KAZN: variants seen among roughly 807,000 people sequenced by gnomAD.
KAZN encodes the protein kazrin.
In KAZN, 40 loss-of-function variants were observed where a neutral mutation model predicts 87.4. The observed-to-expected ratio is 0.46, with a 90% CI of 0.36 to 0.60. The LOEUF is 0.60. Among genes scored for constraint, KAZN ranks in the 20% least tolerant of loss-of-function variants. KAZN has a pLI of 0.00. For missense variants in KAZN, 898 were observed against 1,073.9 expected, an observed-to-expected ratio of 0.84 and a Z score of 2.29; for synonymous variants, 466 against 458.3, an observed-to-expected ratio of 1.02 and a Z score of -0.22.
intron 3 of KAZN, among the ~76,000 whole-genome samples, chr1:15,036,417 TC>T (rs1193965669): frequency 6.9e-6 from 1 of 145,334 alleles, no homozygotes; most frequent in East Asian, 2.0e-4. Context: ...CAGCTCCCCT[TC>T]CCCTGCCTGT....
At chr1:14,551,159 TG>T (rs1673493093) in intron 2 of KAZN, among the ~76,000 whole-genome samples, 1 of 152,176 alleles carries the variant, frequency 6.6e-6, no homozygotes, top group South Asian at 2.1e-4. Context: ...TACTGGCCCT[TG>T]GCAGTCAACT....
At chr1:14,968,573 A>G (rs1201592314) in intron 2 of KAZN, among the ~76,000 whole-genome samples, 1 of 152,172 alleles carries the variant, frequency 6.6e-6, no homozygotes, top group Non-Finnish European at 1.5e-5. Flanking sequence ...CTCAGGGCTT[A>G]GGACACGTGA....
At position 15,081,969 on chromosome 1, in the gene KAZN, A is replaced by C. The variant is rs2100634309; in HGVS notation, c.1223-12211A>C. 6.6e-6 allele frequency among the ~76,000 whole-genome samples: 1 copy of C among 152,258 alleles called. No individual in the cohort carries two copies. On this transcript the variant is annotated intron_variant, in intron 8 of 14. Coordinates refer to ENST00000376030, the MANE Select transcript of KAZN (RefSeq NM_201628.3). This position sits in a 1 kb window ranked among gnomAD's most constrained non-coding sequence, Gnocchi z 4.1. The stretch of plus-strand genomic sequence containing the variant: ...GGGCTTGAAGAGGATGGAATGAAAG[A>C]GAAAGAGGGAGGTAGGGTGTTGAGA...
At chr1:14,876,936 CA>C (rs1323379035) in intron 1 of KAZN, among the ~76,000 whole-genome samples, 1 of 152,202 alleles carries the variant, frequency 6.6e-6, no homozygotes, top group Non-Finnish European at 1.5e-5. Flanking sequence ...TTGTATTAGT[CA>C]GACATTTTTG....
chr1:14,137,659 C>T (rs1490500380), intron 1 of KAZN, among the ~76,000 whole-genome samples: 2 of 146,520 alleles, frequency 1.4e-5, no homozygotes, highest in African/African-American at 5.0e-5. Context: ...AAACTGCTGA[C>T]AACAGTATCT....
chr1:14,293,130 G>T (rs1229280801), intron 2 of KAZN, among the ~76,000 whole-genome samples: 3 of 152,156 alleles, frequency 2.0e-5, no homozygotes, highest in Admixed American at 2.0e-4. Flanking sequence ...AACAAGGAAA[G>T]AGTCACAGAC....
chr1:14,071,419 T>C (rs1336712558), intron 1 of KAZN, among the ~76,000 whole-genome samples: 1 of 152,212 alleles, frequency 6.6e-6, no homozygotes. Context: ...CCTGATCTCA[T>C]AGGTTCTAAG....
In KAZN at chr1:14,387,353, T is replaced by C. The variant is rs563546653; in HGVS notation, c.249+206761T>C. ...CCGTCCAGCTTTGTTCTGTTGCTGGTGAGGAACTGCGTTCCTTTGGAGGAG... is the reference window on the plus strand; with the variant it reads ...CCGTCCAGCTTTGTTCTGTTGCTGGCGAGGAACTGCGTTCCTTTGGAGGAG... On this transcript the variant is annotated intron_variant, in intron 2 of 16. Coordinates refer to the KAZN transcript ENST00000636203. 2.0e-5 allele frequency among the ~76,000 whole-genome samples: 3 copies of C among 152,360 alleles called. No individual in the cohort carries two copies. In the South Asian group the frequency reaches 6.2e-4, roughly 32 times the overall value.
chr1:14,214,000 T>C (rs982546337), intron 2 of KAZN, among the ~76,000 whole-genome samples: 1 of 152,156 alleles, frequency 6.6e-6, no homozygotes, highest in South Asian at 2.1e-4. Flanking sequence ...CTGAGCAGAT[T>C]TGGCGTGGGC....
rs145396391 is a variant in KAZN at position 14,764,111 on chromosome 1, C to G, written c.226+164888C>G. On this transcript the variant is annotated intron_variant, in intron 1 of 14. Transcript: ENST00000376030. ...TTGCGAGTCAAATACATCACAGTCC[C>G]CAGGTGATGGTTCTCATTTACAATT... 1.5e-3 allele frequency among the ~76,000 whole-genome samples: 233 copies of G among 152,226 alleles called. 7 individuals carry two copies. The East Asian group carries it at 0.04, about 26-fold the overall frequency.
intron 1 of KAZN, among the ~76,000 whole-genome samples, chr1:14,893,144 G>A (rs1654897639): frequency 6.6e-6 from 1 of 152,060 alleles, no homozygotes; most frequent in African/African-American, 2.4e-5. Flanking sequence ...GAGGCAGGTG[G>A]ATCATGAGGT....
intron 2 of KAZN, among the ~76,000 whole-genome samples, chr1:14,291,088 T>G (rs905325380): frequency 2.0e-5 from 3 of 152,116 alleles, no homozygotes; most frequent in African/African-American, 7.2e-5. Context: ...CTGTATGAGG[T>G]GTCAGTCGGC....
rs549276172 is a variant in KAZN at position 14,733,200 on chromosome 1, T to C, written c.226+133977T>C. On this transcript the variant is annotated intron_variant, in intron 1 of 14. Coordinates refer to ENST00000376030, the MANE Select transcript of KAZN (RefSeq NM_201628.3). ...TTTCCGCCCACTGCCCCAGGCTTGG[T>C]AATTAAGCAGTCTGAGTGATTGCAG... Among the ~76,000 whole-genome samples the C allele has an allele frequency of 1.7e-4, 26 of 152,188 alleles. No homozygotes were observed. The South Asian group carries it at 5.2e-3, about 30-fold the overall frequency.
intron 2 of KAZN, among the ~76,000 whole-genome samples, chr1:14,261,497 G>C (rs1403479312): frequency 6.6e-6 from 1 of 152,188 alleles, no homozygotes; most frequent in East Asian, 1.9e-4. Flanking sequence ...TGTTTGCCTA[G>C]CTATTGATTT....
rs1168650321 is a variant in KAZN at position 14,164,534 on chromosome 1, CTTTTTTTTTTT to C, written c.92-15888_92-15878del. ...TCCATTTCTGCAATGTGAGTTTCCTCTTTTTTTTTTTTTTTTTTTTTTTGAGATGGAGTTTT... is the reference window on the plus strand; with the variant it reads ...TCCATTTCTGCAATGTGAGTTTCCTCTTTTTTTTTTTTGAGATGGAGTTTT... On this transcript the variant is annotated intron_variant, in intron 1 of 16. Transcript: ENST00000636203. Among the ~76,000 whole-genome samples, 8 of 93,760 alleles carry C rather than the reference CTTTTTTTTTTT, an allele frequency of 8.5e-5. No homozygotes were observed. The South Asian group carries it at 1.2e-3, about 14-fold the overall frequency. The allele number at this position is 93,760 out of a possible 152,430, so 61.5% of individuals were successfully genotyped here. A position where few individuals can be genotyped will look rare whatever the true frequency, so the allele number is the denominator to read the frequency against.
chr1:14,652,247 G>A (rs12568088), intron 1 of KAZN, among the ~76,000 whole-genome samples: 41,241 of 152,040 alleles, frequency 0.27, 5,849 homozygotes, highest in South Asian at 0.36. Flanking sequence ...TTAAACAACT[G>A]GAGGCATCCC....
intron 1 of KAZN, among the ~76,000 whole-genome samples, chr1:14,875,708 C>T (rs4661540): frequency 0.25 from 38,068 of 151,970 alleles, 5,560 homozygotes; most frequent in East Asian, 0.55. Flanking sequence ...GATGAGAGTA[C>T]GTACACCATG....
At position 15,066,311 on chromosome 1, in the gene KAZN, T is replaced by C. The variant is rs368651591; in HGVS notation, c.1222+558T>C. The C allele has an allele frequency of 4.1e-6, 4 of 985,894 alleles. No individual in the cohort carries two copies. The allele number at this position is 985,894 out of a possible 1,614,324, so 61.1% of individuals were successfully genotyped here. A position where few individuals can be genotyped will look rare whatever the true frequency, so the allele number is the denominator to read the frequency against. On this transcript the variant is annotated intron_variant, in intron 8 of 14. Coordinates refer to ENST00000376030, the MANE Select transcript of KAZN (RefSeq NM_201628.3). This position sits in a 1 kb window ranked among gnomAD's most constrained non-coding sequence, Gnocchi z 4.3. ...CTCCTGGAGCCCGTCTGGCAGAGGA[T>C]GTGGTCTGTTTTTGATGTCCCCCCT...
chr1:14,570,947 A>G (rs6693569), intron 2 of KAZN, among the ~76,000 whole-genome samples: 22,836 of 151,850 alleles, frequency 0.15, 2,230 homozygotes, highest in East Asian at 0.32. Flanking sequence ...ATCCTTACCT[A>G]CCTACCTGAA....
Sources: gnomAD v4.1 joint callset for allele counts (sites outside exome capture counted in the v4.1 genomes callset) on GRCh38, gnomAD v4.1.1 for gene constraint, Gnocchi (gnomAD v3.1) non-coding constraint, MANE v1.5 for transcripts, NCBI Gene and HGNC (gene_info 2026-07-23, HGNC 2026-07-21) for gene names.